ZNF77: variants seen among roughly 807,000 people sequenced by gnomAD.
ZNF77 encodes the protein zinc finger protein 77, also known as ZNFpT1.
In ZNF77, 15 loss-of-function variants were observed where a neutral mutation model predicts 13.5. The ratio of observed to expected loss-of-function variants is 1.11; its 90% confidence interval spans 0.74 to 1.71. The LOEUF (loss-of-function observed/expected upper bound fraction) is 1.71. Ranked by LOEUF, ZNF77 falls within the 40% of genes most tolerant of loss-of-function variation. ZNF77 has a pLI of 0.00. For synonymous variants in ZNF77, 282 were observed against 250.0 expected (o/e 1.13, Z -1.21); for missense variants, 717 against 676.4 (o/e 1.06, Z -0.67).
At chr19:2,942,631 G>A (rs945590460) in intron 1 of ZNF77, among the ~76,000 whole-genome samples, 6 of 152,056 alleles carry the variant, frequency 3.9e-5, no homozygotes, top group Non-Finnish European at 8.8e-5. Flanking sequence ...ATGTTGAACT[G>A]ACTTCAGCTC....
chr19:2,936,694 A>T lies in ZNF77; in HGVS notation c.141T>A (p.Ile47=), dbSNP rs752718300. 6.2e-7 allele frequency: 1 copy of T among 1,604,708 alleles called. No homozygotes were observed. The change falls in exon 3 of 4, where the codon ATT becomes ATA. Residue 47 remains isoleucine, a synonymous_variant. Transcript: ENST00000314531. Reference sequence around the variant, plus strand: ...AACTTGATCCACTGGTTCTAACATAAATGTAACAATCTGCAACAATCAATT... The same window carrying T: ...AACTTGATCCACTGGTTCTAACATATATGTAACAATCTGCAACAATCAATT... ...CRNLASLDCY[I]YVRTSGSSSQ...
In ZNF77 at chr19:2,933,637, C is replaced by T; in HGVS notation, c.1490G>A (p.Cys497Tyr). ...CGAGGAACAACTGTAGGCTTTCCCA[C>T]ATTCAGTACATTCGTAGGGTTTGAC... ...SGVKPYECTE[C>Y]GKAYSCSSSL... is the part of the protein sequence containing the mutation. The change falls in exon 4 of 4, where the codon TGT (cysteine) becomes TAT (tyrosine). Residue 497 changes from cysteine (C) to tyrosine (Y), a missense_variant. Transcript: ENST00000314531. 1 of 1,614,056 alleles carries T rather than the reference C, an allele frequency of 6.2e-7. No individual in the cohort carries two copies. Among genetic ancestry groups the T allele is most frequent in the Non-Finnish European group, 8.5e-7 (1 of 1,179,902 alleles).
intron 2 of ZNF77, among the ~76,000 whole-genome samples, chr19:2,938,208 C>G (rs2088414737): frequency 6.6e-6 from 1 of 152,206 alleles, no homozygotes; most frequent in South Asian, 2.1e-4. Flanking sequence ...CAGGTGTGAG[C>G]ACCACCCATT....
intron 1 of ZNF77, among the ~76,000 whole-genome samples, chr19:2,943,866 C>A (rs1016802463): frequency 1.6e-4 from 24 of 151,894 alleles, no homozygotes; most frequent in African/African-American, 5.3e-4. Flanking sequence ...CCCGCCACCA[C>A]GCCGGGCTAA....
At chr19:2,935,218 C>G (rs2088385280) in intron 3 of ZNF77, among the ~76,000 whole-genome samples, 1 of 150,944 alleles carries the variant, frequency 6.6e-6, no homozygotes, top group Non-Finnish European at 1.5e-5. Flanking sequence ...TGAGGTTTCA[C>G]CGTGTTAGCC....
chr19:2,940,510 T>TA (rs1318564707), intron 1 of ZNF77, among the ~76,000 whole-genome samples: 1 of 151,696 alleles, frequency 6.6e-6, no homozygotes, highest in Non-Finnish European at 1.5e-5. Context: ...CCATCTCTAC[T>TA]AAAAATACAA....
chr19:2,935,405 C>T (rs2088387632), intron 3 of ZNF77, among the ~76,000 whole-genome samples: 1 of 150,836 alleles, frequency 6.6e-6, no homozygotes, highest in Admixed American at 6.6e-5. Flanking sequence ...GCAACCTCCA[C>T]CTCCCAGGTT....
rs1456819895 is a variant in ZNF77, at chr19:2,934,545, G to A, written c.582C>T (p.Asp194=). The change falls in exon 4 of 4, where the codon GAC becomes GAT. Residue 194 remains aspartate (D), a synonymous_variant. Transcript: ENST00000314531. ...QTVEKPCNCQ[D]SRTASVTYVK... ...CGTATGTCACAGATGCTGTCCTTGAGTCCTGGCAATTACAGGGTTTCTCTA... is the reference window on the plus strand; with the variant it reads ...CGTATGTCACAGATGCTGTCCTTGAATCCTGGCAATTACAGGGTTTCTCTA... 2 of 1,614,078 alleles carry A rather than the reference G, an allele frequency of 1.2e-6. No individual in the cohort carries two copies. The highest frequency in any genetic ancestry group is 1.3e-5 in the African/African-American group (1 of 74,930).
chr19:2,938,966 A>T (rs567677791), intron 2 of ZNF77, among the ~76,000 whole-genome samples: 7 of 151,584 alleles, frequency 4.6e-5, no homozygotes, highest in African/African-American at 1.7e-4. Flanking sequence ...AAAAAAATAA[A>T]AAAAAAAAAA....
At chr19:2,940,600 G>A (rs2144968052) in intron 1 of ZNF77, among the ~76,000 whole-genome samples, 1 of 151,380 alleles carries the variant, frequency 6.6e-6, no homozygotes, top group South Asian at 2.1e-4. Flanking sequence ...TTGAACCCAG[G>A]AGGCAGAGGT....
At chr19:2,943,741 TTCTC>T (rs1289901468) in intron 1 of ZNF77, among the ~76,000 whole-genome samples, 1 of 139,964 alleles carries the variant, frequency 7.1e-6, no homozygotes, top group East Asian at 2.0e-4. Context: ...GACGGAGTCT[TTCTC>T]TGTCGCCAGG....
chr19:2,942,134 C>T (rs1384090686), intron 1 of ZNF77, among the ~76,000 whole-genome samples: 1 of 150,110 alleles, frequency 6.7e-6, no homozygotes, highest in East Asian at 2.0e-4. Flanking sequence ...TGCAGTGAAA[C>T]AATCTCAGCT....
intron 2 of ZNF77, among the ~76,000 whole-genome samples, chr19:2,938,638 T>G (rs8102374): frequency 0.094 from 14,316 of 152,210 alleles, 2,260 homozygotes; most frequent in African/African-American, 0.33. Context: ...ATATTTCAAT[T>G]TTTGAGCTCA....
intron 2 of ZNF77, among the ~76,000 whole-genome samples, 167 bp downstream of exon 2, chr19:2,939,112 AGG>A: frequency 8.0e-5 from 6 of 74,956 alleles, no homozygotes; most frequent in Non-Finnish European, 1.6e-4. Flanking sequence ...TTACCCAAGG[AGG>A]CAGTGAGGGA....
In ZNF77 at chr19:2,933,504, T is replaced by G; in HGVS notation, c.1623A>C (p.Thr541=). The change falls in exon 4 of 4, where the codon ACA becomes ACC. Residue 541 remains threonine, a synonymous_variant. Transcript: ENST00000314531. The part of the protein sequence containing the change: ...YLASLQAHVR[T]HAGA Reference sequence around the variant, plus strand: ...ATTCGTAGATTCACGCTCCAGCATGTGTTCTCACATGTGCTTGAAGCGATG... The same window carrying G: ...ATTCGTAGATTCACGCTCCAGCATGGGTTCTCACATGTGCTTGAAGCGATG... The G allele has an allele frequency of 1.9e-6, 3 of 1,569,390 alleles. No individual in the cohort carries two copies. The South Asian group carries it at 3.5e-5, about 18-fold the overall frequency.
At chr19:2,944,438 C>T (rs919982832) in intron 1 of ZNF77, among the ~76,000 whole-genome samples, 4 of 151,010 alleles carry the variant, frequency 2.6e-5, no homozygotes, top group Non-Finnish European at 5.9e-5. Flanking sequence ...CTAATCTGCC[C>T]TTGAGCCTGA....
chr19:2,937,821 T>C (rs1271232030), intron 2 of ZNF77, among the ~76,000 whole-genome samples: 1 of 151,980 alleles, frequency 6.6e-6, no homozygotes, highest in Non-Finnish European at 1.5e-5. Flanking sequence ...CAGTGGCACT[T>C]TGTTGGCTCA....
chr19:2,938,360 ATTACTCACAGTGTAACTTGGAT>A lies in ZNF77; in HGVS notation c.130+899_130+920del, dbSNP rs1406260385. Among the ~76,000 whole-genome samples, 3 of 152,184 alleles carry A rather than the reference ATTACTCACAGTGTAACTTGGAT, an allele frequency of 2.0e-5. No individual in the cohort carries two copies. The East Asian group carries it at 5.8e-4, about 29-fold the overall frequency. On this transcript the variant is annotated intron_variant, in intron 2 of 3. Coordinates refer to ENST00000314531, the MANE Select transcript of ZNF77 (RefSeq NM_021217.3). ...AGCAAAATTACCATGTCAAACGTGG[ATTACTCACAGTGTAACTTGGAT>A]TTACTTTATCACAGTGTACTTTGAT...
chr19:2,939,667 T>C, intron 1 of ZNF77: 2 of 445,150 alleles, frequency 4.5e-6, no homozygotes, highest in Non-Finnish European at 8.2e-6. Context: ...GGGGAAACAC[T>C]GAAAAATCTG....
Sources: gnomAD v4.1 joint callset for allele counts (sites outside exome capture counted in the v4.1 genomes callset) on GRCh38, gnomAD v4.1.1 for gene constraint, MANE v1.5 for transcripts, NCBI Gene and HGNC (gene_info 2026-07-23, HGNC 2026-07-21) for gene names.